KIF26A: variants seen among roughly 807,000 people sequenced by gnomAD.
The protein encoded by KIF26A is kinesin family member 26A, also known as kinesin-like protein KIF26A.
KIF26A carries 74 observed loss-of-function variants against 126.0 expected under a neutral mutation model. The observed-to-expected ratio is 0.59, with a 90% CI of 0.49 to 0.71. The LOEUF (loss-of-function observed/expected upper bound fraction) is 0.71, where lower values mean the gene tolerates loss of function less well. KIF26A is among the 30% of genes least tolerant of loss of function. The pLI, the probability that KIF26A is intolerant of heterozygous loss-of-function variation, is 0.00. For missense variants in KIF26A, 2,984 were observed against 2,763.3 expected, an observed-to-expected ratio of 1.08 and a Z score of -1.79; for synonymous variants, 1,445 against 1,232.7, an observed-to-expected ratio of 1.17 and a Z score of -3.61.
intron 7 of KIF26A, 41 bp downstream of exon 7, chr14:104,172,709 AC>A: frequency 1.4e-6 from 2 of 1,436,318 alleles, no homozygotes; most frequent in Admixed American, 1.8e-5. Flanking sequence ...CCTGCTGGCC[AC>A]CCCCTCCCAT....
In KIF26A at chr14:104,152,271, G is replaced by C; in HGVS notation, c.545G>C (p.Arg182Thr). ...DTPGPAGPAG[R>T]QPGRAGPDRT... ...CCAGGACCAGCGGGTCCTGCAGGGA[G>C]GCAGCCAGGACGAGCTGGGCCAGAC... is the stretch of plus-strand genomic sequence containing the variant. Residue 182 changes from arginine to threonine, a missense_variant, in exon 3 of 15, where the codon AGG becomes ACG. By Grantham distance (71) the Arg-to-Thr change is moderately conservative. Coordinates refer to ENST00000423312, the MANE Select transcript of KIF26A (RefSeq NM_015656.2). This position sits in a 1 kb window ranked among gnomAD's most constrained non-coding sequence, Gnocchi z 5.9. 1 of 1,592,410 alleles carries C rather than the reference G, an allele frequency of 6.3e-7. No individual in the cohort carries two copies. The highest frequency in any genetic ancestry group is 8.5e-7 in the Non-Finnish European group (1 of 1,171,766).
In KIF26A at chr14:104,175,919, C is replaced by T. The variant is rs765147272; in HGVS notation, c.3131C>T (p.Ala1044Val). The T allele has an allele frequency of 3.5e-5, 54 of 1,548,334 alleles. No individual in the cohort carries two copies. The highest frequency in any genetic ancestry group is 4.5e-5 in the Non-Finnish European group (52 of 1,152,340). The change falls in exon 12 of 15, where the codon GCG becomes GTG. Residue 1044 changes from alanine to valine, a missense_variant. Coordinates refer to ENST00000423312, the MANE Select transcript of KIF26A (RefSeq NM_015656.2). ...GTGGTGGAGGAGCTGTCCCTGGGGG[C>T]GCTTGCCGGAGCTGGGCGGCCCACC... ...FTVVEELSLGALAGAGRPTSL... is the reference protein window; with the variant it reads ...FTVVEELSLGVLAGAGRPTSL...
chr14:104,164,435 G>T (rs1487996678), intron 4 of KIF26A, among the ~76,000 whole-genome samples: 1 of 152,114 alleles, frequency 6.6e-6, no homozygotes, highest in African/African-American at 2.4e-5. Flanking sequence ...TGGCGTCCTG[G>T]TGTCCCTGTG....
intron 3 of KIF26A, among the ~76,000 whole-genome samples, chr14:104,156,968 G>A (rs950931270): frequency 7.2e-5 from 11 of 152,114 alleles, no homozygotes; most frequent in African/African-American, 2.7e-4. Flanking sequence ...TGGAGAGCTT[G>A]GGGCACTGGG....
intron 11 of KIF26A, 122 bp downstream of exon 11, chr14:104,174,432 C>A: frequency 9.7e-7 from 1 of 1,032,476 alleles, no homozygotes; most frequent in Non-Finnish European, 1.3e-6. Flanking sequence ...GGTAGATGTC[C>A]TATGTGTTCT....
chr14:104,177,261 C>T lies in KIF26A; in HGVS notation c.4473C>T (p.Pro1491=). Residue 1491 remains proline, a synonymous_variant, in exon 12 of 15, where the codon CCC becomes CCT. Transcript: ENST00000423312. ...RSGAAKAVGA[P]KPPVGGGKGR... is the part of the protein sequence containing the mutation. ...GCGCAGCCAAGGCTGTGGGGGCCCC[C>T]AAGCCCCCTGTTGGTGGAGGCAAGG... is the stretch of plus-strand genomic sequence containing the variant. The T allele has an allele frequency of 6.3e-7, 1 of 1,595,230 alleles. No homozygotes were observed. The highest frequency in any genetic ancestry group is 8.5e-7 in the Non-Finnish European group (1 of 1,174,344).
intron 5 of KIF26A, among the ~76,000 whole-genome samples, chr14:104,171,284 T>TG (rs1365776850): frequency 2.0e-5 from 3 of 152,136 alleles, no homozygotes; most frequent in African/African-American, 7.2e-5. Context: ...CACACCTCTG[T>TG]GGGGCAGTTC....
intron 4 of KIF26A, among the ~76,000 whole-genome samples, chr14:104,163,091 C>T (rs894831665): frequency 1.3e-5 from 2 of 152,172 alleles, no homozygotes; most frequent in South Asian, 2.1e-4. Flanking sequence ...AACCCAAGGT[C>T]GTGGGGTGGG....
In KIF26A at chr14:104,175,327, C is replaced by T. The variant is rs745564083; in HGVS notation, c.2539C>T (p.Arg847Trp). 6.5e-5 allele frequency: 105 copies of T among 1,603,932 alleles called. 1 individual carries two copies. The highest frequency in any genetic ancestry group is 5.6e-4 in the South Asian group (51 of 90,948). Residue 847 changes from arginine (R) to tryptophan (W), a missense_variant, in exon 12 of 15, where the codon CGG (arginine) becomes TGG (tryptophan). By Grantham distance (101) the Arg-to-Trp change is moderately radical. Coordinates refer to ENST00000423312, the MANE Select transcript of KIF26A (RefSeq NM_015656.2). ...CAGCACCTTCGCGGAGCTGCAGGAGCGGCTGGAATGCATGGACGGCAACGA... is the reference window on the plus strand; with the variant it reads ...CAGCACCTTCGCGGAGCTGCAGGAGTGGCTGGAATGCATGGACGGCAACGA... ...RCSTFAELQE[R>W]LECMDGNEGP...
In KIF26A at chr14:104,171,902, C is replaced by G; in HGVS notation, c.1293C>G (p.Ala431=). ...AATAAVPKMF[A]FDAVFPQDSE... ...CTGCTGCAGTTCCCAAGATGTTTGC[C>G]TTCGATGCCGTCTTCCCCCAGGACT... Residue 431 remains alanine, a synonymous_variant, in exon 6 of 15, where the codon GCC becomes GCG. Coordinates refer to ENST00000423312, the MANE Select transcript of KIF26A (RefSeq NM_015656.2). The G allele has an allele frequency of 6.4e-7, 1 of 1,557,864 alleles. No individual in the cohort carries two copies. Among genetic ancestry groups the G allele is most frequent in the Middle Eastern group, 1.7e-4 (1 of 5,758 alleles).
chr14:104,148,776 C>T lies in KIF26A; in HGVS notation c.289-3239C>T, dbSNP rs1045031826. 2.6e-5 allele frequency among the ~76,000 whole-genome samples: 4 copies of T among 152,100 alleles called. No homozygotes were observed. The highest frequency in any genetic ancestry group is 2.1e-4 in the South Asian group (1 of 4,818). ...AGCAGTCAGTGGTGTGGGAGACCCT[C>T]GCCTTCACCTTCTGGGGCCCAAGAT... is the stretch of plus-strand genomic sequence containing the variant. On this transcript the variant is annotated intron_variant, in intron 2 of 14. Coordinates refer to ENST00000423312, the MANE Select transcript of KIF26A (RefSeq NM_015656.2). The surrounding 1 kb of genome is among the most constrained non-coding windows in gnomAD (Gnocchi z 4.3).
rs922390404 is a variant in KIF26A, at chr14:104,148,712, G to A, written c.289-3303G>A. 2.6e-5 allele frequency among the ~76,000 whole-genome samples: 4 copies of A among 151,932 alleles called. No individual in the cohort carries two copies. The highest frequency in any genetic ancestry group is 5.9e-5 in the Non-Finnish European group (4 of 67,970). ...AGGGCTGCAGGGCTGGGCGGCTTTT[G>A]TCTCTCTGAGGGCTGCGTCTGGGGT... On this transcript the variant is annotated intron_variant, in intron 2 of 14. Coordinates refer to ENST00000423312, the MANE Select transcript of KIF26A (RefSeq NM_015656.2). The surrounding 1 kb of genome is among the most constrained non-coding windows in gnomAD (Gnocchi z 4.3).
intron 2 of KIF26A, among the ~76,000 whole-genome samples, chr14:104,147,819 G>T (rs2037693032): frequency 2.6e-5 from 4 of 152,194 alleles, no homozygotes; most frequent in African/African-American, 9.6e-5. Context: ...CCTTTTGAGG[G>T]CTGCCCGCAC....
chr14:104,161,752 G>A (rs935793106), intron 4 of KIF26A, among the ~76,000 whole-genome samples: 2 of 152,264 alleles, frequency 1.3e-5, no homozygotes, highest in African/African-American at 4.8e-5. Flanking sequence ...TATAGAAGCA[G>A]GAGGCGCAGG....
At chr14:104,157,009 G>A (rs947320846) in intron 3 of KIF26A, among the ~76,000 whole-genome samples, 3 of 152,108 alleles carry the variant, frequency 2.0e-5, no homozygotes, top group Non-Finnish European at 2.9e-5. Flanking sequence ...GCGAGGGGTG[G>A]CCAGGCTGAA....
chr14:104,164,919 G>C (rs2037869375), intron 4 of KIF26A, among the ~76,000 whole-genome samples: 1 of 151,824 alleles, frequency 6.6e-6, no homozygotes, highest in Non-Finnish European at 1.5e-5. Context: ...GTCTGTCTCT[G>C]TGTGTGTCTC....
intron 11 of KIF26A, 145 bp downstream of exon 11, chr14:104,174,455 C>T (rs1318790512): frequency 4.4e-6 from 4 of 903,952 alleles, no homozygotes; most frequent in Non-Finnish European, 6.2e-6. Flanking sequence ...TGTCATGAGG[C>T]TATGCCCATG....
intron 2 of KIF26A, among the ~76,000 whole-genome samples, chr14:104,149,404 T>A (rs2141092900): frequency 6.6e-6 from 1 of 152,300 alleles, no homozygotes; most frequent in East Asian, 1.9e-4. Context: ...GAAGGTACCC[T>A]GGCCCAGATG....
chr14:104,175,265 C>T lies in KIF26A; in HGVS notation c.2477C>T (p.Pro826Leu). ...ATCCCTGCCCTGAGCCGCCACCGGC[C>T]CTCCAAGGGTCCCCGAGACGCAGAC... ...PIIPALSRHR[P>L]SKGPRDADHF... The change falls in exon 12 of 15, where the codon CCC becomes CTC. Residue 826 changes from proline (P) to leucine (L), a missense_variant. Physicochemically the swap from Pro to Leu is moderately conservative, Grantham distance 98 (BLOSUM62 -3). Coordinates refer to ENST00000423312, the MANE Select transcript of KIF26A (RefSeq NM_015656.2). 1 of 1,606,678 alleles carries T rather than the reference C, an allele frequency of 6.2e-7. No individual in the cohort carries two copies. The highest frequency in any genetic ancestry group is 1.7e-4 in the Middle Eastern group (1 of 6,060).
Sources: gnomAD v4.1 joint callset for allele counts (sites outside exome capture counted in the v4.1 genomes callset) on GRCh38, gnomAD v4.1.1 for gene constraint, Gnocchi (gnomAD v3.1) non-coding constraint, MANE v1.5 for transcripts, NCBI Gene and HGNC (gene_info 2026-07-23, HGNC 2026-07-21) for gene names.